Variants in SFTPD observed in about 807,000 individuals in gnomAD.
SFTPD encodes the protein surfactant protein D, also known as pulmonary surfactant-associated protein D.
A neutral mutation model predicts 34.6 loss-of-function variants in SFTPD; 18 were observed. That is an observed-to-expected ratio of 0.52 (90% CI 0.36 to 0.77). SFTPD has a LOEUF of 0.77. Among genes scored for constraint, SFTPD ranks in the 30% least tolerant of loss-of-function variants. The pLI is 0.00. For synonymous variants in SFTPD, 155 were observed against 180.9 expected (o/e 0.86, Z 1.15); for missense variants, 433 against 468.9 (o/e 0.92, Z 0.71).
chr10:79,982,259 G>A, intron 1 of SFTPD: 2 of 939,518 alleles, frequency 2.1e-6, no homozygotes, highest in Non-Finnish European at 1.4e-6. Context: ...CGCGGGCGGC[G>A]GCGGGGGCGC....
chr10:79,945,920 CTT>C (rs1322586883), intron 2 of SFTPD, among the ~76,000 whole-genome samples: 1 of 152,134 alleles, frequency 6.6e-6, no homozygotes, highest in Non-Finnish European at 1.5e-5. Flanking sequence ...CTGTAAGACT[CTT>C]GGGAGGATTA....
chr10:79,941,572 G>A, intron 5 of SFTPD, 58 bp from the exon 6 acceptor site: 7 of 1,366,672 alleles, frequency 5.1e-6, no homozygotes, highest in Non-Finnish European at 5.0e-6. Flanking sequence ...TTTGTTTTTA[G>A]CATTTTTACC....
At chr10:79,966,497 G>T (rs1175223591) in intron 1 of SFTPD, among the ~76,000 whole-genome samples, 1 of 126,340 alleles carries the variant, frequency 7.9e-6, no homozygotes, top group Non-Finnish European at 1.6e-5. Flanking sequence ...TTTGTCAGAT[G>T]AGTAGGTTGC....
At chr10:79,977,052 T>C (rs1002786176) in intron 1 of SFTPD, among the ~76,000 whole-genome samples, 2 of 152,126 alleles carry the variant, frequency 1.3e-5, no homozygotes, top group Non-Finnish European at 1.5e-5. Flanking sequence ...GAACTGTAAA[T>C]CCAATTAAGC....
At chr10:79,947,425 C>T (rs1050987409) in intron 1 of SFTPD, among the ~76,000 whole-genome samples, 6 of 152,200 alleles carry the variant, frequency 3.9e-5, no homozygotes, top group African/African-American at 9.7e-5. Context: ...CACGGTCGCT[C>T]ATGCCTGTAA....
intron 1 of SFTPD, chr10:79,971,821 C>T (rs975028607): frequency 3.3e-5 from 5 of 152,014 alleles, no homozygotes; most frequent in East Asian, 1.9e-4. Flanking sequence ...TGGAATTGAC[C>T]GTTTTGGGTT....
intron 1 of SFTPD, among the ~76,000 whole-genome samples, chr10:79,961,614 G>C (rs1411946721): frequency 6.6e-6 from 1 of 152,210 alleles, no homozygotes; most frequent in East Asian, 1.9e-4. Context: ...ACACCAGTTA[G>C]AATGGCGATC....
chr10:79,957,041 G>C (rs1453734787), intron 1 of SFTPD, among the ~76,000 whole-genome samples: 3 of 150,956 alleles, frequency 2.0e-5, no homozygotes, highest in Non-Finnish European at 2.9e-5. Flanking sequence ...AGGCAAACAG[G>C]GTCTGGAGTG....
chr10:79,938,215 TG>T lies in SFTPD; in HGVS notation c.764del (p.Pro255GlnfsTer17). 1 of 1,594,460 alleles carries T rather than the reference TG, an allele frequency of 6.3e-7. No individual in the cohort carries two copies. Among genetic ancestry groups the T allele is most frequent in the South Asian group, 1.1e-5 (1 of 90,506 alleles). On this transcript the variant is annotated frameshift_variant, in exon 8 of 8. Coordinates refer to ENST00000372292, the MANE Select transcript of SFTPD (RefSeq NM_003019.5). LOFTEE classifies it low-confidence loss of function (END_TRUNC). ...FSQYKKVELF[P>X]NGQSVGEKIF... ...TCTTCTCCCCGACACTTTGGCCATT[TG>T]GGAAGAGCTCAACTAGGAGAAGAAG...
intron 1 of SFTPD, among the ~76,000 whole-genome samples, chr10:79,963,980 T>C (rs2132516090): frequency 1.3e-5 from 2 of 152,274 alleles, no homozygotes; most frequent in South Asian, 4.1e-4. Context: ...CTCACCCTGA[T>C]CATACTTGGT....
At chr10:79,949,003 C>T (rs569944790) in intron 1 of SFTPD, 63 bp downstream of exon 1, 15 of 152,240 alleles carry the variant, frequency 9.9e-5, no homozygotes, top group South Asian at 2.1e-4. Context: ...TTGCCCAGGT[C>T]GGCAGAGGGA....
rs997810472 is a variant in SFTPD, at chr10:79,944,674, C to T, written c.199+1787G>A. Among the ~76,000 whole-genome samples, 4 of 152,150 alleles carry T rather than the reference C, an allele frequency of 2.6e-5. No homozygotes were observed. The East Asian group carries it at 5.8e-4, about 22-fold the overall frequency. ...AGGTGTGTGATTTGTCCAAGGGAGA[C>T]GAGCATCCCTGGTGGGACTCCCCCA... is the stretch of plus-strand genomic sequence containing the variant. On this transcript the variant is annotated intron_variant, in intron 2 of 7. Coordinates refer to ENST00000372292, the MANE Select transcript of SFTPD (RefSeq NM_003019.5).
chr10:79,976,176 G>T (rs1003605414), intron 1 of SFTPD, among the ~76,000 whole-genome samples: 1 of 152,228 alleles, frequency 6.6e-6, no homozygotes, highest in Non-Finnish European at 1.5e-5. Context: ...AAGAATCAAA[G>T]TGATGGCCTT....
In SFTPD at chr10:79,942,078, A is replaced by G; in HGVS notation, c.434-8T>C. 2.5e-6 allele frequency: 4 copies of G among 1,576,980 alleles called. No individual in the cohort carries two copies. Among genetic ancestry groups the G allele is most frequent in the Non-Finnish European group, 3.5e-6 (4 of 1,148,184 alleles). On this transcript the variant is annotated splice_polypyrimidine_tract_variant and splice_region_variant and intron_variant, in intron 4 of 7. Coordinates refer to ENST00000372292, the MANE Select transcript of SFTPD (RefSeq NM_003019.5). ...CTGGGGCACCTACTTCTCCTGAAGAAGGAACACACAGGAACAAACACAGCT... is the reference window on the plus strand; with the variant it reads ...CTGGGGCACCTACTTCTCCTGAAGAGGGAACACACAGGAACAAACACAGCT...
At position 79,942,998 on chromosome 10, in the gene SFTPD, C is replaced by T. The variant is rs533392332; in HGVS notation, c.200-119G>A. 208 of 675,388 alleles carry T rather than the reference C, an allele frequency of 3.1e-4. 3 individuals are homozygous for T. In the South Asian group the frequency reaches 3.5e-3, roughly 11 times the overall value. 41.8% of individuals were successfully genotyped at this position (675,388 alleles called of 1,614,324 possible). A position where few individuals can be genotyped will look rare whatever the true frequency, so the allele number is the denominator to read the frequency against. ...CTGCAGAGCATGAGACTTCCACCGTCACACACCCAGGCCCAGTGGTGATCC... is the reference window on the plus strand; with the variant it reads ...CTGCAGAGCATGAGACTTCCACCGTTACACACCCAGGCCCAGTGGTGATCC... On this transcript the variant is annotated intron_variant, in intron 2 of 7. Transcript: ENST00000372292.
chr10:79,941,934 C>T lies in SFTPD; in HGVS notation c.550+20G>A. 6.6e-7 allele frequency: 1 copy of T among 1,526,548 alleles called. No individual in the cohort carries two copies. Among genetic ancestry groups the T allele is most frequent in the Non-Finnish European group, 9.1e-7 (1 of 1,101,932 alleles). The allele number at this position is 1,526,548 out of a possible 1,614,324, so 94.6% of individuals were successfully genotyped here. A position where few individuals can be genotyped will look rare whatever the true frequency, so the allele number is the denominator to read the frequency against. On this transcript the variant is annotated intron_variant, in intron 5 of 7. Transcript: ENST00000372292. ...CAGGAGAACTGGACCCAGCCCAGCCCAGCTCTTTCCACTGCTCACCTGCTG... is the reference window on the plus strand; with the variant it reads ...CAGGAGAACTGGACCCAGCCCAGCCTAGCTCTTTCCACTGCTCACCTGCTG...
intron 1 of SFTPD, among the ~76,000 whole-genome samples, chr10:79,978,691 T>G (rs1453249121): frequency 7.0e-6 from 1 of 143,058 alleles, no homozygotes; most frequent in African/African-American, 2.6e-5. Context: ...ATAGAATGAA[T>G]GTACCTCAAC....
chr10:79,951,913 T>C (rs1474532321), upstream of SFTPD, among the ~76,000 whole-genome samples: 1 of 152,206 alleles, frequency 6.6e-6, no homozygotes, highest in Non-Finnish European at 1.5e-5. Context: ...TGGGAGCTCA[T>C]GGTGAAAGGC....
At chr10:79,979,894 T>C (rs983924726) in intron 1 of SFTPD, among the ~76,000 whole-genome samples, 10 of 151,994 alleles carry the variant, frequency 6.6e-5, no homozygotes, top group Admixed American at 6.6e-4. Context: ...GAAAAAAGAG[T>C]AAAGGGGACT....
Sources: gnomAD v4.1 joint callset for allele counts (sites outside exome capture counted in the v4.1 genomes callset) on GRCh38, gnomAD v4.1.1 for gene constraint, MANE v1.5 for transcripts, NCBI Gene and HGNC (gene_info 2026-07-23, HGNC 2026-07-21) for gene names.